Variants in MARCHF8 observed in about 807,000 individuals in gnomAD.
MARCHF8 encodes the protein E3 ubiquitin-protein ligase MARCHF8.
A neutral mutation model predicts 51.6 loss-of-function variants in MARCHF8; 40 were observed. The ratio of observed to expected loss-of-function variants is 0.77; its 90% CI spans 0.60 to 1.01. The LOEUF (loss-of-function observed/expected upper bound fraction) is 1.01, where lower values mean the gene tolerates loss of function less well. Ranked by LOEUF, MARCHF8 falls within the 50% of genes least tolerant of loss-of-function variation. The pLI, the probability that MARCHF8 is intolerant of heterozygous loss-of-function variation, is 0.00. For missense variants in MARCHF8, 685 were observed against 708.6 expected (o/e 0.97, Z 0.38); for synonymous variants, 263 against 280.3 (o/e 0.94, Z 0.62).
At chr10:45,574,571 G>T (rs2044468058) in intron 1 of MARCHF8, among the ~76,000 whole-genome samples, 1 of 152,136 alleles carries the variant, frequency 6.6e-6, no homozygotes, top group South Asian at 2.1e-4. Context: ...ACTGCCACAA[G>T]GCTTCACAGA....
At chr10:45,477,039 C>T (rs1564473121) in intron 3 of MARCHF8, among the ~76,000 whole-genome samples, 1 of 152,128 alleles carries the variant, frequency 6.6e-6, no homozygotes, top group Non-Finnish European at 1.5e-5. Flanking sequence ...GTCTCCTCCA[C>T]AGCACATTAT....
chr10:45,469,439 G>A (rs1179031761), intron 3 of MARCHF8, among the ~76,000 whole-genome samples: 3 of 152,176 alleles, frequency 2.0e-5, no homozygotes, highest in Admixed American at 6.5e-5. Context: ...AATGTAGTGG[G>A]TGATGACCTA....
At chr10:45,539,496 C>T (rs1030144691), upstream of MARCHF8, among the ~76,000 whole-genome samples, 2 of 152,116 alleles carry the variant, frequency 1.3e-5, no homozygotes, top group African/African-American at 4.8e-5. Context: ...AATAGAGACA[C>T]AAAAGACCCT....
At chr10:45,579,445 T>TTTTTTTTTTTTTTTTTTTTTTGAGATGG (rs1255570130) in intron 1 of MARCHF8, among the ~76,000 whole-genome samples, 1 of 151,736 alleles carries the variant, frequency 6.6e-6, no homozygotes, top group African/African-American at 2.4e-5. Flanking sequence ...AAATTTCTTT[T>TTTTTTTTTTTTTTTTTTTTTTGAGATGG]AAAAAGCACT....
chr10:45,554,239 T>C, intron 1 of MARCHF8, among the ~76,000 whole-genome samples: 1 of 152,248 alleles, frequency 6.6e-6, no homozygotes, highest in East Asian at 1.9e-4. Context: ...AATATGATTA[T>C]GATCAAGAAC....
intron 2 of MARCHF8, among the ~76,000 whole-genome samples, chr10:45,502,265 G>A (rs868784707): frequency 1.3e-5 from 2 of 152,232 alleles, no homozygotes; most frequent in African/African-American, 2.4e-5. Context: ...TACTCCACTA[G>A]TAAAAAGGAA....
At chr10:45,587,546 C>T (rs1311692026) in intron 1 of MARCHF8, among the ~76,000 whole-genome samples, 3 of 152,108 alleles carry the variant, frequency 2.0e-5, no homozygotes, top group Admixed American at 6.5e-5. Flanking sequence ...ATTGAAACCA[C>T]AAGTTGTTTT....
At chr10:45,527,262 A>G (rs2043809224) in intron 2 of MARCHF8, among the ~76,000 whole-genome samples, 1 of 152,152 alleles carries the variant, frequency 6.6e-6, no homozygotes, top group Non-Finnish European at 1.5e-5. Flanking sequence ...CCAGAAGAAA[A>G]GAAATGATGA....
rs558151677 is a variant in MARCHF8 at position 45,463,532 on chromosome 10, C to G, written c.707G>C (p.Gly236Ala). The part of the protein sequence containing the change: ...STASEVEAGK[G>A]GRPGLLLEEK... ...TTCCAGCAGCAGGCCGGGCCTGCCC[C>G]CCTTGCCAGCTTCCACCTCTGAGGC... Residue 236 changes from glycine (G) to alanine (A), a missense_variant, in exon 5 of 8, where the codon GGG (glycine) becomes GCG (alanine). Coordinates refer to ENST00000453424, the MANE Select transcript of MARCHF8 (RefSeq NM_001282866.2). 7.7e-6 allele frequency: 12 copies of G among 1,550,662 alleles called. No homozygotes were observed. In the South Asian group the frequency reaches 1.2e-4, roughly 15 times the overall value.
chr10:45,571,092 T>C (rs1259801651), intron 1 of MARCHF8, among the ~76,000 whole-genome samples: 1 of 152,132 alleles, frequency 6.6e-6, no homozygotes, highest in African/African-American at 2.4e-5. Flanking sequence ...TAAAAGTATA[T>C]GAAATATGAA....
rs564046373 is a variant in MARCHF8 at position 45,575,635 on chromosome 10, T to C, written c.-79+18600A>G. Among the ~76,000 whole-genome samples the C allele has an allele frequency of 2.6e-5, 4 of 152,242 alleles. No homozygotes were observed. In the South Asian group the frequency reaches 8.3e-4, roughly 32 times the overall value. On this transcript the variant is annotated intron_variant, in intron 1 of 6. Coordinates refer to the MARCHF8 transcript ENST00000319836. The stretch of plus-strand genomic sequence containing the variant: ...TATCTATCCATACCAGCCCCAAAAA[T>C]TTTCGCTACCCCAACACTTTACCAC...
At chr10:45,465,499 TCCACCTTTGGGACCC>T (rs1453249957) in intron 3 of MARCHF8, among the ~76,000 whole-genome samples, 1 of 152,144 alleles carries the variant, frequency 6.6e-6, no homozygotes, top group African/African-American at 2.4e-5. Flanking sequence ...ATCCTGGAAC[TCCACCTTTGGGACCC>T]CCGACCCTTG....
rs557887109 is a variant in MARCHF8 at position 45,456,470 on chromosome 10, G to T, written c.*1769C>A. The T allele has an allele frequency of 3.3e-5, 5 of 152,382 alleles. No individual in the cohort carries two copies. The highest frequency in any genetic ancestry group is 7.3e-5 in the Non-Finnish European group (5 of 68,070). The allele number at this position is 152,382 out of a possible 1,614,324, so 9.4% of individuals were successfully genotyped here. On this transcript the variant is annotated 3_prime_UTR_variant, in exon 8 of 8. Coordinates refer to ENST00000453424, the MANE Select transcript of MARCHF8 (RefSeq NM_001282866.2). Reference sequence around the variant, plus strand: ...AGGAGACAGGAGGACAAAGCCTGCTGCTATTAAGCCCACACCGTAGCTTAG... The same window carrying T: ...AGGAGACAGGAGGACAAAGCCTGCTTCTATTAAGCCCACACCGTAGCTTAG...
intron 3 of MARCHF8, among the ~76,000 whole-genome samples, chr10:45,483,031 A>G (rs774740851): frequency 6.6e-5 from 10 of 152,202 alleles, no homozygotes; most frequent in Non-Finnish European, 1.2e-4. Context: ...CTGAAACTAT[A>G]TAACTATTAG....
chr10:45,580,748 G>T (rs35968565), intron 1 of MARCHF8, among the ~76,000 whole-genome samples: 9,389 of 152,256 alleles, frequency 0.062, 332 homozygotes, highest in Non-Finnish European at 0.066. Context: ...GCAGGCTTGA[G>T]ACAATATAAA....
At chr10:45,523,028 A>G (rs1388102095) in intron 2 of MARCHF8, among the ~76,000 whole-genome samples, 1 of 152,238 alleles carries the variant, frequency 6.6e-6, no homozygotes, top group Non-Finnish European at 1.5e-5. Context: ...ATGTGTGTGC[A>G]GTCTATATTC....
In MARCHF8 at chr10:45,481,269, G is replaced by C. The variant is rs188428176; in HGVS notation, c.153+8098C>G. ...ATTTTACAGGCTCACAGGTGGAAGG[G>C]AGTTGCCTTGTCTGAGATGAGACTT... On this transcript the variant is annotated intron_variant, in intron 3 of 7. Coordinates refer to ENST00000453424, the MANE Select transcript of MARCHF8 (RefSeq NM_001282866.2). 1.1e-4 allele frequency among the ~76,000 whole-genome samples: 17 copies of C among 152,344 alleles called. No homozygotes were observed. In the East Asian group the frequency reaches 3.1e-3, roughly 28 times the overall value.
chr10:45,585,444 A>G (rs2044608240), intron 1 of MARCHF8, among the ~76,000 whole-genome samples: 3 of 152,234 alleles, frequency 2.0e-5, no homozygotes, highest in Non-Finnish European at 2.9e-5. Flanking sequence ...ATGAGTCTCA[A>G]ATCTCATACG....
intron 2 of MARCHF8, among the ~76,000 whole-genome samples, chr10:45,523,944 C>A (rs1262172821): frequency 1.3e-5 from 2 of 152,202 alleles, no homozygotes; most frequent in Non-Finnish European, 2.9e-5. Context: ...ATTACCAGTT[C>A]TCAAGTTTTA....
Sources: allele counts gnomAD v4.1 joint callset (sites outside exome capture counted in the v4.1 genomes callset), GRCh38; gene constraint gnomAD v4.1.1; transcripts MANE v1.5; gene names NCBI Gene and HGNC (gene_info 2026-07-23, HGNC 2026-07-21).